The following KIF20B variants were observed in gnomAD, a reference collection of about 807,000 sequenced individuals.
The protein encoded by KIF20B is kinesin family member 20B.
Under a neutral mutation model 232.5 loss-of-function variants are expected in KIF20B, and 188 were observed. That is an observed-to-expected ratio of 0.81 (90% CI 0.72 to 0.91). The LOEUF (loss-of-function observed/expected upper bound fraction) is 0.91, where lower values mean the gene tolerates loss of function less well. Ranked by LOEUF, KIF20B falls within the 40% of genes least tolerant of loss-of-function variation. KIF20B has a pLI of 0.00. For missense variants in KIF20B, 2,154 were observed against 2,055.9 expected (o/e 1.05, Z -0.92); for synonymous variants, 712 against 683.0 (o/e 1.04, Z -0.66).
At chr10:89,735,940 C>G (rs992942913) in intron 19 of KIF20B, among the ~76,000 whole-genome samples, 1 of 152,126 alleles carries the variant, frequency 6.6e-6, no homozygotes, top group South Asian at 2.1e-4. Context: ...CATATTATAT[C>G]TGGGATCATT....
At chr10:89,715,495 A>G (rs1217119840) in intron 8 of KIF20B, among the ~76,000 whole-genome samples, 1 of 152,162 alleles carries the variant, frequency 6.6e-6, no homozygotes, top group Non-Finnish European at 1.5e-5. Flanking sequence ...GAGCTATGAA[A>G]TGTTACTATT....
At position 89,719,620 on chromosome 10, in the gene KIF20B, C is replaced by T. The variant is rs1843007473; in HGVS notation, c.1636C>T (p.Gln546Ter). 1 of 1,612,942 alleles carries T rather than the reference C, an allele frequency of 6.2e-7. No individual in the cohort carries two copies. Among genetic ancestry groups the T allele is most frequent in the Non-Finnish European group, 8.5e-7 (1 of 1,179,266 alleles). Residue 546 changes from glutamine (Q) to a stop codon, truncating the protein, a stop_gained, in exon 13 of 33, where the codon CAA becomes TAA. Transcript: ENST00000371728. LOFTEE classifies it high-confidence loss of function. ...VEELENAEET[Q>*]NVETKLLDED... ...GGAGCTAGAAAACGCTGAAGAAACTCAAAATGTGGAAACTAAACTTCTTGA... is the reference window on the plus strand; with the variant it reads ...GGAGCTAGAAAACGCTGAAGAAACTTAAAATGTGGAAACTAAACTTCTTGA...
chr10:89,754,488 G>A (rs763369732), intron 25 of KIF20B, 30 bp from the exon 26 acceptor site: 18 of 1,425,764 alleles, frequency 1.3e-5, no homozygotes, highest in Admixed American at 9.8e-5. Flanking sequence ...GTAGGCATGC[G>A]ATAATAACTT....
At chr10:89,728,739 G>A (rs1843246254) in intron 17 of KIF20B, among the ~76,000 whole-genome samples, 1 of 151,522 alleles carries the variant, frequency 6.6e-6, no homozygotes, top group South Asian at 2.1e-4. Flanking sequence ...CCTGACTTCA[G>A]GTAATCTCCC....
At chr10:89,754,035 T>G (rs549762451) in intron 25 of KIF20B, among the ~76,000 whole-genome samples, 1 of 151,798 alleles carries the variant, frequency 6.6e-6, no homozygotes, top group African/African-American at 2.4e-5. Flanking sequence ...GTTTGAAAAT[T>G]ACTGATCAGC....
chr10:89,769,039 A>G (rs1842418218), intron 31 of KIF20B, 151 bp downstream of exon 31: 2 of 619,986 alleles, frequency 3.2e-6, no homozygotes, highest in Non-Finnish European at 5.3e-6. Context: ...AGAAACATGT[A>G]AAAGGATGAT....
intron 23 of KIF20B, among the ~76,000 whole-genome samples, chr10:89,747,160 G>C (rs992549485): frequency 2.6e-5 from 4 of 152,208 alleles, no homozygotes; most frequent in African/African-American, 9.6e-5. Context: ...GGCCATCAGA[G>C]AAATGCAAAG....
intron 29 of KIF20B, among the ~76,000 whole-genome samples, chr10:89,763,258 G>C (rs924369657): frequency 1.3e-5 from 2 of 152,180 alleles, no homozygotes; most frequent in African/African-American, 4.8e-5. Flanking sequence ...TCCAGCCTGG[G>C]TGATAGAGCG....
chr10:89,725,687 G>T (rs1240648322), intron 15 of KIF20B, among the ~76,000 whole-genome samples: 1 of 152,110 alleles, frequency 6.6e-6, no homozygotes, highest in African/African-American at 2.4e-5. Context: ...CAGTCCTCCT[G>T]CCCAGCCTCC....
chr10:89,753,543 G>A (rs1237344242), intron 25 of KIF20B, among the ~76,000 whole-genome samples: 2 of 152,154 alleles, frequency 1.3e-5, no homozygotes, highest in East Asian at 3.8e-4. Context: ...CTAAGATGAT[G>A]TAATCACATT....
Position 89,710,107 on chromosome 10 carries a change from A to T in KIF20B, c.490+42A>T, listed in dbSNP as rs143233819. 1.0e-3 allele frequency: 1,586 copies of T among 1,542,294 alleles called. 15 individuals carry two copies. In the African/African-American group the frequency reaches 0.02, roughly 20 times the overall value. ...TTTGGTTGGAAAGGATAAGGAAGCA[A>T]TAATAATCACTCAGTGTTTTTATAA... On this transcript the variant is annotated intron_variant, in intron 5 of 32. Coordinates refer to ENST00000371728, the MANE Select transcript of KIF20B (RefSeq NM_001284259.2).
chr10:89,727,363 T>C (rs1328594977), intron 16 of KIF20B, among the ~76,000 whole-genome samples: 1 of 151,968 alleles, frequency 6.6e-6, no homozygotes, highest in Non-Finnish European at 1.5e-5. Context: ...CAAGTGATCC[T>C]TCCACCTTAG....
intron 6 of KIF20B, among the ~76,000 whole-genome samples, chr10:89,711,796 T>C (rs1842842142): frequency 6.6e-6 from 1 of 152,198 alleles, no homozygotes; most frequent in African/African-American, 2.4e-5. Flanking sequence ...TTATCTGTTA[T>C]GTCTTTAACT....
In KIF20B at chr10:89,726,406, C is replaced by G. The variant is rs745562196; in HGVS notation, c.2115C>G (p.Asp705Glu). Residue 705 changes from aspartate to glutamate, a missense_variant, in exon 16 of 33, where the codon GAC becomes GAG. By Grantham distance (45) the Asp-to-Glu change is conservative. Transcript: ENST00000371728. Reference sequence around the variant, plus strand: ...ACTTATATATTGCATCTCTTCCTGACCCCCAGGAAGCTACTGCTTGTTTAG... The same window carrying G: ...ACTTATATATTGCATCTCTTCCTGAGCCCCAGGAAGCTACTGCTTGTTTAG... ...IAHLYIASLP[D>E]PQEATACLEL... 1.3e-6 allele frequency: 2 copies of G among 1,590,588 alleles called. No homozygotes were observed. Among genetic ancestry groups the G allele is most frequent in the South Asian group, 2.3e-5 (2 of 87,914 alleles).
chr10:89,745,649 C>T (rs979544585), intron 22 of KIF20B, among the ~76,000 whole-genome samples: 3 of 151,224 alleles, frequency 2.0e-5, no homozygotes, highest in Non-Finnish European at 3.0e-5. Context: ...GGCTGGAGTA[C>T]AGTGGTGCGA....
chr10:89,771,882 C>T (rs1406523456), intron 31 of KIF20B, among the ~76,000 whole-genome samples: 1 of 151,890 alleles, frequency 6.6e-6, no homozygotes, highest in Non-Finnish European at 1.5e-5. Context: ...TAGTCTCTCG[C>T]ATATACTGTT....
chr10:89,738,781 T>C (rs1841728227), intron 20 of KIF20B, among the ~76,000 whole-genome samples, 164 bp downstream of exon 20: 1 of 152,232 alleles, frequency 6.6e-6, no homozygotes. Flanking sequence ...CCATAGGTTA[T>C]GTGAAAAGAT....
intron 28 of KIF20B, 145 bp downstream of exon 28, chr10:89,760,781 G>C (rs988117119): frequency 1.5e-5 from 8 of 533,838 alleles, no homozygotes; most frequent in African/African-American, 3.9e-5. Context: ...AGAGGCTTTT[G>C]AGGAGAGGTG....
chr10:89,725,914 T>C (rs759451867), intron 15 of KIF20B, among the ~76,000 whole-genome samples: 25 of 152,230 alleles, frequency 1.6e-4, no homozygotes, highest in East Asian at 5.8e-4. Context: ...GCAAACCTTA[T>C]GTATCCTTGA....
Sources: allele counts gnomAD v4.1 joint callset (sites outside exome capture counted in the v4.1 genomes callset), GRCh38; gene constraint gnomAD v4.1.1; transcripts MANE v1.5; gene names NCBI Gene and HGNC (gene_info 2026-07-23, HGNC 2026-07-21).